The following PCDHGB4 variants were observed in gnomAD, a reference collection of about 807,000 sequenced individuals.
PCDHGB4 encodes protocadherin gamma subfamily B, 4, also known as protocadherin gamma-B4.
In PCDHGB4, 38 loss-of-function variants were observed where a neutral mutation model predicts 60.5. The ratio of observed to expected loss-of-function variants is 0.63; its 90% CI spans 0.48 to 0.82. The LOEUF (loss-of-function observed/expected upper bound fraction) is 0.82, where lower values mean the gene tolerates loss of function less well. PCDHGB4 is among the 40% of genes least tolerant of loss of function. The pLI is 0.00. For synonymous variants in PCDHGB4, 456 were observed against 509.7 expected (o/e 0.89, Z 1.42); for missense variants, 1,109 against 1,209.6 (o/e 0.92, Z 1.23).
rs1196888001 is a variant in PCDHGB4 at position 141,388,870 on chromosome 5, G to T, written c.986G>T (p.Cys329Phe). 4.3e-6 allele frequency: 7 copies of T among 1,613,964 alleles called. No individual in the cohort carries two copies. The highest frequency in any genetic ancestry group is 5.9e-6 in the Non-Finnish European group (7 of 1,179,856). The change falls in exon 1 of 4, where the codon TGC becomes TTC. Residue 329 changes from cysteine to phenylalanine, a missense_variant. This residue lies in a region of PCDHGB4 where 1,068 missense variants were observed against 1,089.9 expected (regional missense o/e 0.98). Coordinates refer to ENST00000519479, the MANE Select transcript of PCDHGB4 (RefSeq NM_003736.4). ...ARDGGGMIAQ[C>F]TVEVEVIDEN... is the part of the protein sequence containing the mutation. The stretch of plus-strand genomic sequence containing the variant: ...GACGGTGGAGGAATGATTGCGCAAT[G>T]CACAGTGGAGGTAGAAGTCATAGAT...
At chr5:141,423,838 T>G in intron 1 of PCDHGB4, 1 of 1,279,552 alleles carries the variant, frequency 7.8e-7, no homozygotes, top group South Asian at 3.5e-5. Context: ...GAGATTACGA[T>G]AATCTTTCAG....
At chr5:141,499,212 G>A (rs904920940) in intron 2 of PCDHGB4, among the ~76,000 whole-genome samples, 1 of 151,898 alleles carries the variant, frequency 6.6e-6, no homozygotes, top group African/African-American at 2.4e-5. Context: ...TGTAACCCAG[G>A]CCCTGCCCTG....
intron 1 of PCDHGB4, chr5:141,415,330 A>G (rs1326574664): frequency 1.2e-6 from 2 of 1,614,094 alleles, no homozygotes; most frequent in African/African-American, 2.7e-5. Context: ...GCTGGCGCAC[A>G]GGCTGCGGCG....
chr5:141,469,829 A>G (rs2099212486), intron 1 of PCDHGB4, among the ~76,000 whole-genome samples: 1 of 152,102 alleles, frequency 6.6e-6, no homozygotes, highest in African/African-American at 2.4e-5. Context: ...AGGTCACATA[A>G]AACTTATTCT....
chr5:141,418,832 G>A, intron 1 of PCDHGB4: 1 of 1,614,008 alleles, frequency 6.2e-7, no homozygotes, highest in Non-Finnish European at 8.5e-7. Flanking sequence ...AAAAGACCGA[G>A]GATCTCTCTC....
At chr5:141,496,412 T>C (rs1322376676) in intron 2 of PCDHGB4, among the ~76,000 whole-genome samples, 1 of 152,180 alleles carries the variant, frequency 6.6e-6, no homozygotes, top group African/African-American at 2.4e-5. Context: ...GGTTGAGTAC[T>C]TGCTGTCCAC....
chr5:141,397,438 G>A (rs1330293325), intron 1 of PCDHGB4, among the ~76,000 whole-genome samples: 5 of 152,140 alleles, frequency 3.3e-5, no homozygotes, highest in Admixed American at 2.6e-4. Context: ...CCTAATATGT[G>A]TAATATAAAA....
chr5:141,409,824 C>T (rs1265260597), intron 1 of PCDHGB4: 1 of 1,610,860 alleles, frequency 6.2e-7, no homozygotes, highest in Non-Finnish European at 8.5e-7. Flanking sequence ...GGCTCGCCCA[C>T]GCTCAGCGCC....
chr5:141,432,707 G>T lies in PCDHGB4; in HGVS notation c.2397+42426G>T. The T allele has an allele frequency of 6.2e-7, 1 of 1,613,988 alleles. No homozygotes were observed. The highest frequency in any genetic ancestry group is 1.1e-5 in the South Asian group (1 of 91,080). ...CCTCGTAGTGGCCGTCCAGGACCAC[G>T]GCCAGCCCCCTCTCTCCGCCACTGT... On this transcript the variant is annotated intron_variant, in intron 1 of 3. Transcript: ENST00000519479. The surrounding 1 kb of genome is among the most constrained non-coding windows in gnomAD (Gnocchi z 6.0).
intron 1 of PCDHGB4, chr5:141,397,922 G>A: frequency 1.4e-6 from 1 of 731,582 alleles, no homozygotes; most frequent in Non-Finnish European, 2.2e-6. Flanking sequence ...AGATCTCCTC[G>A]CGCAGCCGCA....
chr5:141,388,513 TGA>T lies in PCDHGB4; in HGVS notation c.630_631del (p.Leu210PhefsTer24). On this transcript the variant is annotated frameshift_variant, in exon 1 of 4. Transcript: ENST00000519479. LOFTEE classifies it high-confidence loss of function. Reference sequence around the variant, plus strand: ...AGAGAAAAGCAGAAATCCTACCACTTGACTTTGACTGCCTTGGACTTTGGAGC... The same window carrying T: ...AGAGAAAAGCAGAAATCCTACCACTTCTTTGACTGCCTTGGACTTTGGAGC... 2 of 1,613,840 alleles carry T rather than the reference TGA, an allele frequency of 1.2e-6. No homozygotes were observed. The highest frequency in any genetic ancestry group is 2.7e-5 in the African/African-American group (2 of 75,036).
In PCDHGB4 at chr5:141,431,675, G is replaced by A. The variant is rs778040824; in HGVS notation, c.2397+41394G>A. Reference sequence around the variant, plus strand: ...TTCAGGGACAATATCAACAATAGGGGAGTTGGACCACGAGGAGTCAGGATT... The same window carrying A: ...TTCAGGGACAATATCAACAATAGGGAAGTTGGACCACGAGGAGTCAGGATT... On this transcript the variant is annotated intron_variant, in intron 1 of 3. Coordinates refer to ENST00000519479, the MANE Select transcript of PCDHGB4 (RefSeq NM_003736.4). The surrounding 1 kb of genome is among the most constrained non-coding windows in gnomAD (Gnocchi z 4.8). 5.6e-6 allele frequency: 9 copies of A among 1,614,230 alleles called. No homozygotes were observed. Among genetic ancestry groups the A allele is most frequent in the Admixed American group, 1.7e-5 (1 of 60,028 alleles).
intron 1 of PCDHGB4, chr5:141,478,834 A>G: frequency 7.0e-7 from 1 of 1,427,896 alleles, no homozygotes; most frequent in Non-Finnish European, 9.2e-7. Context: ...TTGCTAAGGG[A>G]TGGTTAAGCT....
Position 141,431,634 on chromosome 5 carries a change from T to C in PCDHGB4, c.2397+41353T>C. 2.5e-6 allele frequency: 4 copies of C among 1,614,238 alleles called. No homozygotes were observed. Among genetic ancestry groups the C allele is most frequent in the Non-Finnish European group, 3.4e-6 (4 of 1,180,044 alleles). ...GTGGACGACAAGGCGGCCCAAGTTTTCAAACTAGATTGTAATTCAGGGACA... is the reference window on the plus strand; with the variant it reads ...GTGGACGACAAGGCGGCCCAAGTTTCCAAACTAGATTGTAATTCAGGGACA... On this transcript the variant is annotated intron_variant, in intron 1 of 3. Coordinates refer to ENST00000519479, the MANE Select transcript of PCDHGB4 (RefSeq NM_003736.4). The surrounding 1 kb of genome is among the most constrained non-coding windows in gnomAD (Gnocchi z 4.8).
rs781173890 is a variant in PCDHGB4, at chr5:141,476,165, G to T, written c.2398-18642G>T. 5.3e-5 allele frequency: 86 copies of T among 1,613,106 alleles called. No individual in the cohort carries two copies. Among genetic ancestry groups the T allele is most frequent in the Non-Finnish European group, 7.2e-5 (85 of 1,179,976 alleles). On this transcript the variant is annotated intron_variant, in intron 1 of 3. Transcript: ENST00000519479. The surrounding 1 kb of genome is among the most constrained non-coding windows in gnomAD (Gnocchi z 7.6). ...CGGACTGGTAAGCACCGGGAGGGTA[G>T]TGGGAGTTTTGCTTCTGCTTGGTGC...
intron 1 of PCDHGB4, chr5:141,410,481 G>C: frequency 6.2e-7 from 1 of 1,613,966 alleles, no homozygotes; most frequent in Non-Finnish European, 8.5e-7. Flanking sequence ...GCACATACGG[G>C]TACAAAAGAG....
At chr5:141,429,848 C>T (rs567448097) in intron 1 of PCDHGB4, among the ~76,000 whole-genome samples, 25 of 152,228 alleles carry the variant, frequency 1.6e-4, no homozygotes, top group African/African-American at 5.8e-4. Context: ...AAGTCTGTAA[C>T]ATTCTTTGGA....
intron 1 of PCDHGB4, among the ~76,000 whole-genome samples, chr5:141,448,629 C>T (rs1188418541): frequency 6.6e-6 from 1 of 152,060 alleles, no homozygotes; most frequent in Non-Finnish European, 1.5e-5. Flanking sequence ...CCTTTCTTCA[C>T]ATTATATCCT....
At position 141,486,455 on chromosome 5, in the gene PCDHGB4, T is replaced by G; in HGVS notation, c.2398-8352T>G. On this transcript the variant is annotated intron_variant, in intron 1 of 3. Transcript: ENST00000519479. This position sits in a 1 kb window ranked among gnomAD's most constrained non-coding sequence, Gnocchi z 5.0. Reference sequence around the variant, plus strand: ...TAGCTATGACATCATGGTCACTGCTTCTGATGCTGGGAACCCTCCTCTCAG... The same window carrying G: ...TAGCTATGACATCATGGTCACTGCTGCTGATGCTGGGAACCCTCCTCTCAG... 6.2e-7 allele frequency: 1 copy of G among 1,614,066 alleles called. No homozygotes were observed. Among genetic ancestry groups the G allele is most frequent in the Non-Finnish European group, 8.5e-7 (1 of 1,179,892 alleles).
Sources: gnomAD v4.1 joint callset for allele counts (sites outside exome capture counted in the v4.1 genomes callset) on GRCh38, gnomAD v4.1.1 for gene constraint, gnomAD v4.1.1 regional missense constraint, Gnocchi (gnomAD v3.1) non-coding constraint, MANE v1.5 for transcripts, NCBI Gene and HGNC (gene_info 2026-07-23, HGNC 2026-07-21) for gene names.